AGAP1: variants seen among roughly 807,000 people sequenced by gnomAD.
AGAP1 encodes ArfGAP with GTPase domain, ankyrin repeat and PH domain 1, also known as arf-GAP with GTPase, ANK repeat and PH domain-containing protein 1.
In AGAP1, 29 loss-of-function variants were observed where a neutral mutation model predicts 105.3. The ratio of observed to expected loss-of-function variants is 0.28; its 90% CI spans 0.21 to 0.38. AGAP1 has a LOEUF of 0.38. AGAP1 is among the 10% of genes least tolerant of loss of function. AGAP1 has a pLI of 1.00. For synonymous variants in AGAP1, 509 were observed against 485.9 expected (o/e 1.05, Z -0.63); for missense variants, 998 against 1,165.1 (o/e 0.86, Z 2.09).
At chr2:235,561,532 A>G (rs1231202919) in intron 1 of AGAP1, among the ~76,000 whole-genome samples, 1 of 152,110 alleles carries the variant, frequency 6.6e-6, no homozygotes, top group African/African-American at 2.4e-5. Context: ...GGAGGGCTGA[A>G]GAGTTGGGGA....
intron 1 of AGAP1, among the ~76,000 whole-genome samples, chr2:235,708,685 A>C (rs942500915): frequency 6.6e-6 from 1 of 152,230 alleles, no homozygotes; most frequent in Non-Finnish European, 1.5e-5. Flanking sequence ...TGAGCATTCA[A>C]ATCTTCAAAT....
At chr2:235,580,081 C>T (rs1326320621) in intron 1 of AGAP1, among the ~76,000 whole-genome samples, 1 of 152,118 alleles carries the variant, frequency 6.6e-6, no homozygotes, top group Admixed American at 6.5e-5. Context: ...GCATTGGTGC[C>T]TCATTTCTTT....
intron 12 of AGAP1, among the ~76,000 whole-genome samples, chr2:235,944,332 T>G (rs1014752826): frequency 6.6e-6 from 1 of 152,220 alleles, no homozygotes; most frequent in African/African-American, 2.4e-5. Context: ...TCTCTGAGCA[T>G]TCATCAAGTT....
At chr2:235,759,589 G>A (rs1196130051) in intron 6 of AGAP1, among the ~76,000 whole-genome samples, 2 of 152,210 alleles carry the variant, frequency 1.3e-5, no homozygotes, top group African/African-American at 2.4e-5. Context: ...GTGCAGACCT[G>A]CTGTTGACTG....
At chr2:235,677,925 A>G (rs1440919477) in intron 1 of AGAP1, among the ~76,000 whole-genome samples, 1 of 52,206 alleles carries the variant, frequency 1.9e-5, no homozygotes, top group African/African-American at 1.5e-4. Context: ...AAAAAAAAAA[A>G]AAAAAAAAAA....
chr2:235,685,149 A>T (rs961775618), intron 1 of AGAP1, among the ~76,000 whole-genome samples: 12 of 151,850 alleles, frequency 7.9e-5, no homozygotes, highest in Non-Finnish European at 1.6e-4. Flanking sequence ...GTTGCTGGGG[A>T]CTCACGCCTT....
At chr2:235,673,368 T>C (rs770039285) in intron 1 of AGAP1, among the ~76,000 whole-genome samples, 7 of 152,220 alleles carry the variant, frequency 4.6e-5, no homozygotes, top group Non-Finnish European at 8.8e-5. Flanking sequence ...AGTTTCCCTG[T>C]AAATGTCCAT....
chr2:235,941,406 G>T (rs1028106764), intron 12 of AGAP1, among the ~76,000 whole-genome samples: 1 of 152,176 alleles, frequency 6.6e-6, no homozygotes, highest in African/African-American at 2.4e-5. Flanking sequence ...CCTGGCCCTG[G>T]GAGTGGAGCA....
intron 13 of AGAP1, among the ~76,000 whole-genome samples, chr2:236,017,384 A>C (rs1488561550): frequency 6.6e-6 from 1 of 152,182 alleles, no homozygotes. Context: ...TGATGTATGA[A>C]GTTATCACAT....
rs1036226957 is a variant in AGAP1, at chr2:235,569,432, G to T, written c.163+74583G>T. On this transcript the variant is annotated intron_variant, in intron 1 of 17. Coordinates refer to ENST00000304032, the MANE Select transcript of AGAP1 (RefSeq NM_001037131.3). The surrounding 1 kb of genome is among the most constrained non-coding windows in gnomAD (Gnocchi z 5.9). ...AGCAGCCTTCCAAAGTAGGCTTCGG[G>T]ATTCAGTTTTACAGATAGGGAAACT... is the stretch of plus-strand genomic sequence containing the variant. Among the ~76,000 whole-genome samples, 1 of 152,202 alleles carries T rather than the reference G, an allele frequency of 6.6e-6. No individual in the cohort carries two copies. The highest frequency in any genetic ancestry group is 1.5e-5 in the Non-Finnish European group (1 of 68,042).
rs1386515047 is a variant in AGAP1 at position 235,633,763 on chromosome 2, G to A, written c.164-75416G>A. Among the ~76,000 whole-genome samples the A allele has an allele frequency of 6.6e-6, 1 of 152,172 alleles. No homozygotes were observed. The highest frequency in any genetic ancestry group is 1.5e-5 in the Non-Finnish European group (1 of 68,024). On this transcript the variant is annotated intron_variant, in intron 1 of 17. Transcript: ENST00000304032. This position sits in a 1 kb window ranked among gnomAD's most constrained non-coding sequence, Gnocchi z 4.8. ...ACCTTATGACAGCTTTACCTAAAAA[G>A]ATGGGGGAAGGTTACAGTAATATTT...
intron 13 of AGAP1, among the ~76,000 whole-genome samples, chr2:236,034,298 A>G (rs2057313863): frequency 7.5e-6 from 1 of 134,148 alleles, no homozygotes; most frequent in African/African-American, 3.5e-5. Context: ...TACAGTTACA[A>G]TGATTTTTTT....
chr2:236,028,482 T>C (rs773510464), intron 13 of AGAP1, among the ~76,000 whole-genome samples: 3 of 152,230 alleles, frequency 2.0e-5, no homozygotes, highest in Non-Finnish European at 2.9e-5. Context: ...GAGATAGAAA[T>C]ATATGTCTAT....
chr2:235,562,524 C>A (rs192918075), intron 1 of AGAP1, among the ~76,000 whole-genome samples: 9 of 152,042 alleles, frequency 5.9e-5, no homozygotes, highest in Non-Finnish European at 1.2e-4. Flanking sequence ...TCCCCAGCCC[C>A]AGCAGTCCGG....
intron 9 of AGAP1, among the ~76,000 whole-genome samples, chr2:235,848,443 G>C (rs1056280633): frequency 6.6e-6 from 1 of 152,216 alleles, no homozygotes; most frequent in Non-Finnish European, 1.5e-5. Context: ...TCAGCTGCCT[G>C]TACCATATCA....
At position 235,494,644 on chromosome 2, in the gene AGAP1, G is replaced by T. The variant is rs1211979762; in HGVS notation, c.-43G>T. 13 of 994,642 alleles carry T rather than the reference G, an allele frequency of 1.3e-5. No homozygotes were observed. The highest frequency in any genetic ancestry group is 1.2e-6 in the Non-Finnish European group (1 of 833,034). 61.6% of individuals were successfully genotyped at this position (994,642 alleles called of 1,614,324 possible). On this transcript the variant is annotated 5_prime_UTR_variant, in exon 1 of 18. Coordinates refer to ENST00000304032, the MANE Select transcript of AGAP1 (RefSeq NM_001037131.3). ...CCCGCGGGCCCCGGGGCGCGGGGCG[G>T]CGGCGGCGGGGGGCGCGCGGCTCCG...
chr2:235,780,832 G>T (rs1296786439), intron 6 of AGAP1, among the ~76,000 whole-genome samples: 1 of 152,126 alleles, frequency 6.6e-6, no homozygotes, highest in Admixed American at 6.5e-5. Flanking sequence ...CCGAGGCTGG[G>T]GTAATTATAC....
At position 235,587,111 on chromosome 2, in the gene AGAP1, A is replaced by G. The variant is rs142857691; in HGVS notation, c.163+92262A>G. Among the ~76,000 whole-genome samples the G allele has an allele frequency of 3.1e-3, 465 of 152,304 alleles. 1 individual carries two copies. The highest frequency in any genetic ancestry group is 6.8e-3 in the Middle Eastern group (2 of 294). ...AATAGTTTTTGAGCCATTTGTATGG[A>G]GAAGGTATTACCCAAACAGAAACAT... On this transcript the variant is annotated intron_variant, in intron 1 of 17. Transcript: ENST00000304032.
rs1487075957 is a variant in AGAP1, at chr2:236,035,636, T to C, written c.1646-925T>C. Among the ~76,000 whole-genome samples the C allele has an allele frequency of 6.6e-6, 1 of 152,102 alleles. No individual in the cohort carries two copies. The highest frequency in any genetic ancestry group is 1.9e-4 in the East Asian group (1 of 5,182). On this transcript the variant is annotated intron_variant, in intron 13 of 17. Transcript: ENST00000304032. This position sits in a 1 kb window ranked among gnomAD's most constrained non-coding sequence, Gnocchi z 4.2. ...GGGACTCCATCTCAAAAACAGTTCT[T>C]CGTGGTTGTATGCAATTAGTTATGC...
Sources: gnomAD v4.1 joint callset for allele counts (sites outside exome capture counted in the v4.1 genomes callset) on GRCh38, gnomAD v4.1.1 for gene constraint, Gnocchi (gnomAD v3.1) non-coding constraint, MANE v1.5 for transcripts, NCBI Gene and HGNC (gene_info 2026-07-23, HGNC 2026-07-21) for gene names.